Variants in CAMTA1 observed in about 807,000 individuals in gnomAD.
The protein encoded by CAMTA1 is calmodulin binding transcription activator 1, also known as calmodulin-binding transcription activator 1.
Under a neutral mutation model 170.9 loss-of-function variants are expected in CAMTA1, and 27 were observed. The observed-to-expected ratio is 0.16, with a 90% CI of 0.12 to 0.22. CAMTA1 has a LOEUF of 0.22. Among genes scored for constraint, CAMTA1 ranks in the 10% least tolerant of loss-of-function variants. The pLI, the probability that CAMTA1 is intolerant of heterozygous loss-of-function variation, is 1.00. For synonymous variants in CAMTA1, 833 were observed against 891.5 expected, an observed-to-expected ratio of 0.93 and a Z score of 1.17; for missense variants, 1,619 against 2,217.2, an observed-to-expected ratio of 0.73 and a Z score of 5.42.
rs1281938490 is a variant in CAMTA1, at chr1:7,493,141, TGAGCACACAACACAAACCTACATACACGC to T, written c.510+25242_510+25270del. 3.5e-3 allele frequency among the ~76,000 whole-genome samples: 338 copies of T among 97,850 alleles called. 54 individuals are homozygous for T. The highest frequency in any genetic ancestry group is 0.012 in the African/African-American group (280 of 22,478). 64.2% of individuals were successfully genotyped at this position (97,850 alleles called of 152,430 possible). On this transcript the variant is annotated intron_variant, in intron 6 of 22. Coordinates refer to ENST00000303635, the MANE Select transcript of CAMTA1 (RefSeq NM_015215.4). The stretch of plus-strand genomic sequence containing the variant: ...ACGCGCACACACAGACATACAAACG[TGAGCACACAACACAAACCTACATACACGC>T]GCACACAAATACAAACACGCACACA...
intron 3 of CAMTA1, among the ~76,000 whole-genome samples, chr1:6,898,704 A>G (rs1676196599): frequency 6.6e-6 from 1 of 152,188 alleles, no homozygotes; most frequent in Admixed American, 6.5e-5. Flanking sequence ...TTCCAGGGAT[A>G]TGCTCAGGAA....
chr1:7,268,994 A>C (rs1414486637), intron 5 of CAMTA1, among the ~76,000 whole-genome samples: 2 of 152,386 alleles, frequency 1.3e-5, no homozygotes, highest in African/African-American at 4.8e-5. Flanking sequence ...TACAATATCT[A>C]AAGTGAAAAT....
chr1:7,349,920 G>A (rs947461637), intron 5 of CAMTA1, among the ~76,000 whole-genome samples: 2 of 152,206 alleles, frequency 1.3e-5, no homozygotes, highest in African/African-American at 2.4e-5. Context: ...CTTCACTCCT[G>A]TATAAGCCCC....
intron 5 of CAMTA1, among the ~76,000 whole-genome samples, chr1:7,278,339 T>TAA (rs1314009812): frequency 5.9e-5 from 9 of 152,198 alleles, no homozygotes; most frequent in Non-Finnish European, 1.2e-4. Flanking sequence ...GGGATGTGTG[T>TAA]AAAGCATTCA....
chr1:7,381,333 T>G, intron 5 of CAMTA1, among the ~76,000 whole-genome samples: 1 of 124,468 alleles, frequency 8.0e-6, no homozygotes, highest in Admixed American at 9.8e-5. Flanking sequence ...GTCCCCAGAG[T>G]GTGATGTTCC....
intron 4 of CAMTA1, among the ~76,000 whole-genome samples, chr1:7,133,375 C>T (rs1019665362): frequency 3.3e-5 from 5 of 152,188 alleles, no homozygotes; most frequent in Admixed American, 2.0e-4. Context: ...AAATTATTCA[C>T]AATATTTCCT....
intron 1 of CAMTA1, among the ~76,000 whole-genome samples, chr1:6,813,808 G>C (rs1372555842): frequency 2.0e-5 from 3 of 152,070 alleles, no homozygotes; most frequent in Non-Finnish European, 4.4e-5. Flanking sequence ...TGTCTCAGTG[G>C]CACAGTACCA....
intron 4 of CAMTA1, among the ~76,000 whole-genome samples, chr1:7,140,912 A>T (rs1165845737): frequency 6.6e-6 from 1 of 152,166 alleles, no homozygotes; most frequent in East Asian, 1.9e-4. Context: ...TTTTCTTTTA[A>T]TTAAAAATGT....
intron 1 of CAMTA1, among the ~76,000 whole-genome samples, chr1:6,811,267 A>G (rs574356850): frequency 6.6e-6 from 1 of 152,370 alleles, no homozygotes; most frequent in South Asian, 2.1e-4. Context: ...ATATGCAAAC[A>G]AAAGGTATTA....
chr1:7,134,223 C>T (rs1645420590), intron 4 of CAMTA1, among the ~76,000 whole-genome samples: 2 of 152,198 alleles, frequency 1.3e-5, no homozygotes, highest in South Asian at 4.1e-4. Context: ...CTCCAAAGGA[C>T]ATGATTTCAT....
chr1:7,270,676 G>A (rs1190212751), intron 5 of CAMTA1, among the ~76,000 whole-genome samples: 1 of 152,084 alleles, frequency 6.6e-6, no homozygotes, highest in Non-Finnish European at 1.5e-5. Flanking sequence ...AAAGGAACGA[G>A]GAGCACTAGA....
Position 7,562,856 on chromosome 1 carries a change from C to T in CAMTA1, c.511-77544C>T, listed in dbSNP as rs1468091638. On this transcript the variant is annotated intron_variant, in intron 6 of 22. Coordinates refer to ENST00000303635, the MANE Select transcript of CAMTA1 (RefSeq NM_015215.4). The surrounding 1 kb of genome is among the most constrained non-coding windows in gnomAD (Gnocchi z 4.8). ...CCCTCTAACCCCACCGCCCACTCAC[C>T]TGCAGCCTGTCAACAGCCAGCTCCG... Among the ~76,000 whole-genome samples, 1 of 152,224 alleles carries T rather than the reference C, an allele frequency of 6.6e-6. No individual in the cohort carries two copies. Among genetic ancestry groups the T allele is most frequent in the Non-Finnish European group, 1.5e-5 (1 of 68,038 alleles).
At chr1:7,739,603 C>T (rs2096796183) in intron 16 of CAMTA1, among the ~76,000 whole-genome samples, 1 of 152,000 alleles carries the variant, frequency 6.6e-6, no homozygotes, top group South Asian at 2.1e-4. Flanking sequence ...TAGCAGAAGG[C>T]GAAAGTCACA....
chr1:7,057,875 GT>G (rs1178231098), intron 3 of CAMTA1, among the ~76,000 whole-genome samples: 1 of 152,202 alleles, frequency 6.6e-6, no homozygotes, highest in Admixed American at 6.5e-5. Flanking sequence ...GCCACAGCTG[GT>G]AAGGAGACTT....
At chr1:7,731,947 G>C (rs2096736669) in intron 11 of CAMTA1, among the ~76,000 whole-genome samples, 1 of 151,976 alleles carries the variant, frequency 6.6e-6, no homozygotes, top group Non-Finnish European at 1.5e-5. Flanking sequence ...CTAGAGCTTG[G>C]CTCAGGAAAT....
intron 3 of CAMTA1, among the ~76,000 whole-genome samples, chr1:6,855,110 C>T (rs374761889): frequency 6.6e-6 from 1 of 151,910 alleles, no homozygotes; most frequent in Admixed American, 6.6e-5. Flanking sequence ...TAAAAAAAAC[C>T]TCTTTATAAC....
chr1:7,042,578 TC>T (rs1704639269), intron 3 of CAMTA1, among the ~76,000 whole-genome samples: 2 of 152,184 alleles, frequency 1.3e-5, no homozygotes, highest in African/African-American at 4.8e-5. Context: ...GCCCGTGCCC[TC>T]TAAGCCTGGC....
chr1:7,701,117 T>C (rs1243092383), intron 11 of CAMTA1: 1 of 152,224 alleles, frequency 6.6e-6, no homozygotes, highest in Non-Finnish European at 1.5e-5. Context: ...TTTTAGGTGC[T>C]TGGAATAGGG....
At chr1:7,579,966 T>C (rs2095244928) in intron 6 of CAMTA1, among the ~76,000 whole-genome samples, 1 of 152,236 alleles carries the variant, frequency 6.6e-6, no homozygotes, top group Non-Finnish European at 1.5e-5. Context: ...CCAAGTGACA[T>C]TCACTGTGAG....
Sources: allele counts gnomAD v4.1 joint callset (sites outside exome capture counted in the v4.1 genomes callset), GRCh38; gene constraint gnomAD v4.1.1; non-coding constraint Gnocchi (gnomAD v3.1); transcripts MANE v1.5; gene names NCBI Gene and HGNC (gene_info 2026-07-23, HGNC 2026-07-21).